The following MYO5C variants were observed in gnomAD, a reference collection of about 807,000 sequenced individuals.
MYO5C encodes the protein myosin VC, also known as unconventional myosin-Vc.
A neutral mutation model predicts 235.7 loss-of-function variants in MYO5C; 194 were observed. The ratio of observed to expected loss-of-function variants is 0.82; its 90% CI spans 0.73 to 0.93. The LOEUF (loss-of-function observed/expected upper bound fraction) is 0.93. Among genes scored for constraint, MYO5C ranks in the 40% least tolerant of loss-of-function variants. The pLI, the probability that MYO5C is intolerant of heterozygous loss-of-function variation, is 0.00. For synonymous variants in MYO5C, 707 were observed against 754.8 expected (o/e 0.94, Z 1.04); for missense variants, 2,038 against 2,127.2 (o/e 0.96, Z 0.82).
rs544367838 is a variant in MYO5C, at chr15:52,214,516, A to G, written c.4042+87T>C. The stretch of plus-strand genomic sequence containing the variant: ...CTTGAGAATCATTCCTTTGGGTTTC[A>G]TAAGCTTTGGACCAGAAAGAAAATA... On this transcript the variant is annotated intron_variant, in intron 33 of 40. Transcript: ENST00000261839. The G allele has an allele frequency of 5.6e-5, 56 of 991,470 alleles. No homozygotes were observed. In the African/African-American group the frequency reaches 9.1e-4, roughly 16 times the overall value. The allele number at this position is 991,470 out of a possible 1,614,324, so 61.4% of individuals were successfully genotyped here.
rs1157003231 is a variant in MYO5C, at chr15:52,218,499, C to T, written c.3954+20G>A. 2 of 1,611,858 alleles carry T rather than the reference C, an allele frequency of 1.2e-6. No individual in the cohort carries two copies. The highest frequency in any genetic ancestry group is 3.3e-5 in the Admixed American group (2 of 59,874). On this transcript the variant is annotated intron_variant, in intron 32 of 40. Coordinates refer to ENST00000261839, the MANE Select transcript of MYO5C (RefSeq NM_018728.4). ...TCTGCACACAGACAGTCTTTATCAC[C>T]AAGTTAGAAGACTTCTCACCCTGTT... is the stretch of plus-strand genomic sequence containing the variant.
rs182587946 is a variant in MYO5C, at chr15:52,275,573, G to C, written c.595C>G (p.Pro199Ala). ...HVEDKVLASN[P>A]ITEAVGNAKT... ...GCAGTGGTACGCACCTCGGTGATGG[G>C]ATTGGATGCCAGGACCTTGTCTTCC... The change falls in exon 5 of 41, where the codon CCC becomes GCC. Residue 199 changes from proline (P) to alanine (A), a missense_variant. By Grantham distance (27) the Pro-to-Ala change is conservative. Coordinates refer to ENST00000261839, the MANE Select transcript of MYO5C (RefSeq NM_018728.4). 6.2e-7 allele frequency: 1 copy of C among 1,614,124 alleles called. No homozygotes were observed. Among genetic ancestry groups the C allele is most frequent in the Non-Finnish European group, 8.5e-7 (1 of 1,180,026 alleles).
chr15:52,257,213 G>A (rs1274484942), intron 10 of MYO5C, among the ~76,000 whole-genome samples: 1 of 152,218 alleles, frequency 6.6e-6, no homozygotes, highest in African/African-American at 2.4e-5. Context: ...GCACAATTTT[G>A]CCTCCCTAAG....
At chr15:52,230,495 G>GC (rs1398240949) in intron 24 of MYO5C, among the ~76,000 whole-genome samples, 2 of 150,814 alleles carry the variant, frequency 1.3e-5, no homozygotes, top group African/African-American at 2.4e-5. Context: ...TGCAACCTCC[G>GC]CCCCCCGGGT....
At chr15:52,284,005 C>A (rs2037211889) in intron 1 of MYO5C, among the ~76,000 whole-genome samples, 1 of 152,114 alleles carries the variant, frequency 6.6e-6, no homozygotes, top group East Asian at 1.9e-4. Flanking sequence ...TTATAAGAGA[C>A]ACCTGAGAGT....
chr15:52,290,256 A>G (rs1287355439), intron 1 of MYO5C, among the ~76,000 whole-genome samples: 1 of 152,198 alleles, frequency 6.6e-6, no homozygotes, highest in East Asian at 1.9e-4. Flanking sequence ...AGTTGCACCA[A>G]TTAAAGACTA....
intron 22 of MYO5C, 34 bp downstream of exon 22, chr15:52,237,448 T>C: frequency 1.9e-6 from 3 of 1,602,550 alleles, no homozygotes; most frequent in Non-Finnish European, 2.6e-6. Flanking sequence ...AGAGTCCGCA[T>C]ATTTCCATCC....
chr15:52,295,530 G>A (rs1157377409), intron 1 of MYO5C, 80 bp downstream of exon 1: 3 of 1,465,576 alleles, frequency 2.0e-6, no homozygotes, highest in African/African-American at 1.5e-5. Flanking sequence ...TGGCAGGTGT[G>A]GCCCGGGCGC....
rs1377959739 is a variant in MYO5C, at chr15:52,246,902, C to T, written c.1979+15G>A. On this transcript the variant is annotated intron_variant, in intron 16 of 40. Transcript: ENST00000261839. ...CTTCCCACGTCTTCGCTGTGTGTTG[C>T]ATAAGAACACTTACTCAAAGGGTAA... 1.2e-6 allele frequency: 2 copies of T among 1,606,186 alleles called. No individual in the cohort carries two copies. Among genetic ancestry groups the T allele is most frequent in the Non-Finnish European group, 1.7e-6 (2 of 1,174,916 alleles).
In MYO5C at chr15:52,204,871, T is replaced by G. The variant is rs770490401; in HGVS notation, c.4814A>C (p.Gln1605Pro). The part of the protein sequence containing the change: ...KDMCSCRKGM[Q>P]IRCNISYLEE... The stretch of plus-strand genomic sequence containing the variant: ...GGAGGTTTCTGGGTTTTACCTGATC[T>G]GCATCCCTTTTCTGCAGGAGCACAT... The change falls in exon 38 of 41, where the codon CAG becomes CCG. Residue 1605 changes from glutamine to proline, a missense_variant. Transcript: ENST00000261839. 5.0e-6 allele frequency: 8 copies of G among 1,613,820 alleles called. No homozygotes were observed. The South Asian group carries it at 5.5e-5, about 11-fold the overall frequency.
At chr15:52,286,327 GC>G (rs1245591705) in intron 1 of MYO5C, among the ~76,000 whole-genome samples, 1 of 149,684 alleles carries the variant, frequency 6.7e-6, no homozygotes. Flanking sequence ...GGGGGGGTCA[GC>G]CCCCCGCCCG....
rs2034987567 is a variant in MYO5C at position 52,193,857 on chromosome 15, C to T, written c.*45G>A. 1.3e-6 allele frequency: 2 copies of T among 1,579,658 alleles called. No homozygotes were observed. Among genetic ancestry groups the T allele is most frequent in the South Asian group, 2.4e-5 (2 of 84,566 alleles). On this transcript the variant is annotated 3_prime_UTR_variant, in exon 41 of 41. Coordinates refer to ENST00000261839, the MANE Select transcript of MYO5C (RefSeq NM_018728.4). ...ATAAAACACATCCCTCATATTGAAC[C>T]TTCACTTAGCTTTTGAAGAAAAAGT...
chr15:52,207,133 CAAAAAA>C lies in MYO5C; in HGVS notation c.4387-1173_4387-1168del, dbSNP rs1222541332. On this transcript the variant is annotated intron_variant, in intron 36 of 40. Transcript: ENST00000261839. The stretch of plus-strand genomic sequence containing the variant: ...GGGTGACAGAGTGAGACCCCCATCT[CAAAAAA>C]GAAAAAGAAAAAAAAAAAAGAACAG... Among the ~76,000 whole-genome samples the C allele has an allele frequency of 3.7e-5, 5 of 134,540 alleles. No individual in the cohort carries two copies. In the South Asian group the frequency reaches 9.3e-4, roughly 25 times the overall value. The allele number at this position is 134,540 out of a possible 152,430, so 88.3% of individuals were successfully genotyped here. A position where few individuals can be genotyped will look rare whatever the true frequency, so the allele number is the denominator to read the frequency against.
chr15:52,274,678 C>A (rs4776034), intron 5 of MYO5C, among the ~76,000 whole-genome samples: 3 of 147,600 alleles, frequency 2.0e-5, no homozygotes, highest in South Asian at 4.6e-4. Context: ...GTACCCCCCC[C>A]CCGACATATG....
At chr15:52,216,829 C>T (rs1041671099) in intron 32 of MYO5C, among the ~76,000 whole-genome samples, 4 of 152,052 alleles carry the variant, frequency 2.6e-5, no homozygotes, top group African/African-American at 9.7e-5. Context: ...GCTGTAAATC[C>T]AATGCAGGTG....
At chr15:52,295,340 C>G (rs1269223232) in intron 1 of MYO5C, among the ~76,000 whole-genome samples, 1 of 152,178 alleles carries the variant, frequency 6.6e-6, no homozygotes, top group African/African-American at 2.4e-5. Context: ...GTCTTCCCAC[C>G]CACAGGGCAC....
At chr15:52,256,797 C>G in intron 10 of MYO5C, 77 bp from the exon 11 acceptor site, 1 of 1,116,778 alleles carries the variant, frequency 9.0e-7, no homozygotes, top group Non-Finnish European at 1.3e-6. Context: ...TTTTTTGACA[C>G]TTAAAAGCTT....
chr15:52,222,927 G>A (rs1158571277), intron 29 of MYO5C, among the ~76,000 whole-genome samples: 1 of 152,092 alleles, frequency 6.6e-6, no homozygotes, highest in Non-Finnish European at 1.5e-5. Context: ...TGAGGCAGGC[G>A]GATCACGAGG....
At chr15:52,234,613 C>G (rs1326605308) in intron 23 of MYO5C, among the ~76,000 whole-genome samples, 1 of 152,212 alleles carries the variant, frequency 6.6e-6, no homozygotes, top group Non-Finnish European at 1.5e-5. Flanking sequence ...CTGTTCATCT[C>G]TGACATTCAC....
Sources: gnomAD v4.1 joint callset for allele counts (sites outside exome capture counted in the v4.1 genomes callset) on GRCh38, gnomAD v4.1.1 for gene constraint, MANE v1.5 for transcripts, NCBI Gene and HGNC (gene_info 2026-07-23, HGNC 2026-07-21) for gene names.